The following ACACA variants were observed in gnomAD, a reference collection of about 807,000 sequenced individuals.
ACACA encodes the protein acetyl-CoA carboxylase 1.
A neutral mutation model predicts 296.1 loss-of-function variants in ACACA; 103 were observed. The observed-to-expected ratio is 0.35, with a 90% CI of 0.30 to 0.41. ACACA has a LOEUF of 0.41. ACACA is among the 10% of genes least tolerant of loss of function. The pLI is 1.00. For synonymous variants in ACACA, 953 were observed against 1,038.6 expected (o/e 0.92, Z 1.58); for missense variants, 1,554 against 2,989.7 (o/e 0.52, Z 11.20).
At chr17:37,279,661 A>AC (rs1317780507) in intron 5 of ACACA, among the ~76,000 whole-genome samples, 1 of 150,014 alleles carries the variant, frequency 6.7e-6, no homozygotes, top group Non-Finnish European at 1.5e-5. Context: ...AAAAAAAAAA[A>AC]TTAGCTGGGC....
chr17:37,236,953 A>C (rs2080140924), intron 24 of ACACA, among the ~76,000 whole-genome samples: 1 of 152,228 alleles, frequency 6.6e-6, no homozygotes, highest in East Asian at 1.9e-4. Context: ...TTTTAAAGCC[A>C]TTACATTTTA....
At chr17:37,164,409 G>C (rs1246330877) in intron 41 of ACACA, among the ~76,000 whole-genome samples, 1 of 151,962 alleles carries the variant, frequency 6.6e-6, no homozygotes, top group Non-Finnish European at 1.5e-5. Flanking sequence ...TCAGCATTAG[G>C]AAATATATAT....
chr17:37,146,898 G>A lies in ACACA; in HGVS notation c.5679+2966C>T, dbSNP rs377726431. 1.8e-4 allele frequency among the ~76,000 whole-genome samples: 27 copies of A among 146,840 alleles called. No individual in the cohort carries two copies. The South Asian group carries it at 3.8e-3, about 21-fold the overall frequency. ...TTTTAAAATTCATTGGGCATCAGGC[G>A]ATCATGCACAATCCATCTGCTTTCA... is the stretch of plus-strand genomic sequence containing the variant. On this transcript the variant is annotated intron_variant, in intron 45 of 55. Transcript: ENST00000616317.
chr17:37,178,428 T>C (rs1051704231), intron 41 of ACACA, among the ~76,000 whole-genome samples: 4 of 152,180 alleles, frequency 2.6e-5, no homozygotes, highest in African/African-American at 9.7e-5. Context: ...GAATTGAGCA[T>C]GGAGAAGACA....
chr17:37,192,125 G>A lies in ACACA; in HGVS notation c.4381C>T (p.Arg1461Cys), dbSNP rs769240769. 9.3e-6 allele frequency: 15 copies of A among 1,613,856 alleles called. No individual in the cohort carries two copies. The highest frequency in any genetic ancestry group is 1.6e-4 in the Middle Eastern group (1 of 6,082). ...AGATCAGAATGCCTGATGATTGCAC[G>A]AACAAAGAACCTGTAGTCTGTCACT... The part of the protein sequence containing the change: ...TEVTDYRFFV[R>C]AIIRHSDLVT... The change falls in exon 37 of 56, where the codon CGT (arginine) becomes TGT (cysteine). Residue 1461 changes from arginine (R) to cysteine (C), a missense_variant. By Grantham distance (180) the Arg-to-Cys change is radical. Coordinates refer to ENST00000616317, the MANE Select transcript of ACACA (RefSeq NM_198834.3).
chr17:37,200,326 G>T, intron 34 of ACACA, 101 bp downstream of exon 34: 1 of 1,375,698 alleles, frequency 7.3e-7, no homozygotes, highest in Non-Finnish European at 1.0e-6. Flanking sequence ...TTATTTCTCT[G>T]CATAAATCCT....
rs1001635794 is a variant in ACACA at position 37,183,963 on chromosome 17, CT to C, written c.4777-2608del. Among the ~76,000 whole-genome samples, 27 of 150,652 alleles carry C rather than the reference CT, an allele frequency of 1.8e-4. 1 individual carries two copies. The highest frequency in any genetic ancestry group is 1.7e-3 in the Admixed American group (26 of 15,140). On this transcript the variant is annotated intron_variant, in intron 39 of 55. Coordinates refer to ENST00000616317, the MANE Select transcript of ACACA (RefSeq NM_198834.3). The stretch of plus-strand genomic sequence containing the variant: ...TGCCTCCTGGGTTCAAGTAATTCTC[CT>C]GTCTCAGCCTCCCGAGTAGCTGGGA...
chr17:37,290,349 T>C (rs1030783907), intron 3 of ACACA, among the ~76,000 whole-genome samples: 1 of 152,100 alleles, frequency 6.6e-6, no homozygotes, highest in African/African-American at 2.4e-5. Context: ...ATACCTAGCC[T>C]GCTCAAACAT....
At chr17:37,109,054 C>A (rs1204339403) in intron 52 of ACACA, among the ~76,000 whole-genome samples, 1 of 152,084 alleles carries the variant, frequency 6.6e-6, no homozygotes, top group Non-Finnish European at 1.5e-5. Flanking sequence ...AAAATGAGAC[C>A]ATTTTCACCC....
intron 1 of ACACA, among the ~76,000 whole-genome samples, chr17:37,371,133 G>A (rs1402089729): frequency 2.0e-5 from 3 of 152,056 alleles, no homozygotes; most frequent in African/African-American, 7.2e-5. Context: ...AGGCTGGAGT[G>A]CAATGTCACG....
At chr17:37,151,233 T>C (rs2144138070) in intron 44 of ACACA, 68 bp downstream of exon 44, 3 of 1,591,064 alleles carry the variant, frequency 1.9e-6, no homozygotes, top group African/African-American at 1.3e-5. Context: ...ATAGCAGTGA[T>C]AAGAGAAAAA....
chr17:37,303,813 G>A (rs1459903266), intron 3 of ACACA, among the ~76,000 whole-genome samples: 4 of 152,300 alleles, frequency 2.6e-5, no homozygotes, highest in South Asian at 2.1e-4. Flanking sequence ...AGCCAAGATC[G>A]CGCCATTGCA....
intron 1 of ACACA, among the ~76,000 whole-genome samples, chr17:37,396,294 G>A (rs2051078336): frequency 6.6e-6 from 1 of 150,922 alleles, no homozygotes; most frequent in African/African-American, 2.4e-5. Flanking sequence ...GAGCTGAGAT[G>A]GTGACACTGC....
chr17:37,228,934 G>A (rs1227619382), intron 25 of ACACA, among the ~76,000 whole-genome samples: 3 of 152,114 alleles, frequency 2.0e-5, no homozygotes, highest in Non-Finnish European at 2.9e-5. Flanking sequence ...ACGAGGTCAG[G>A]AGATCGAGAC....
At chr17:37,242,807 G>A (rs548447815) in intron 22 of ACACA, among the ~76,000 whole-genome samples, 143 of 152,308 alleles carry the variant, frequency 9.4e-4, no homozygotes, top group Non-Finnish European at 1.8e-3. Context: ...GGGAGGCCGA[G>A]GTGGGCGGAT....
At chr17:37,244,045 T>C (rs2080560592) in intron 21 of ACACA, among the ~76,000 whole-genome samples, 1 of 152,056 alleles carries the variant, frequency 6.6e-6, no homozygotes, top group Non-Finnish European at 1.5e-5. Flanking sequence ...GCATCTAACA[T>C]TGCCCCTATT....
At chr17:37,161,742 A>G in intron 42 of ACACA, 39 bp downstream of exon 42, 1 of 1,602,562 alleles carries the variant, frequency 6.2e-7, no homozygotes, top group Non-Finnish European at 8.5e-7. Context: ...TAGCATAACC[A>G]TATAGCACCT....
At chr17:37,111,754 A>G in intron 51 of ACACA, 111 bp from the exon 52 acceptor site, 1 of 826,118 alleles carries the variant, frequency 1.2e-6, no homozygotes, top group Non-Finnish European at 2.0e-6. Context: ...CTTCATTATC[A>G]TTTTGCCCAC....
chr17:37,246,142 G>GCTT (rs1249078960), intron 19 of ACACA, among the ~76,000 whole-genome samples: 1 of 152,078 alleles, frequency 6.6e-6, no homozygotes, highest in Non-Finnish European at 1.5e-5. Context: ...TACAAGCTTA[G>GCTT]CTTGATTTGG....
Sources: gnomAD v4.1 joint callset for allele counts (sites outside exome capture counted in the v4.1 genomes callset) on GRCh38, gnomAD v4.1.1 for gene constraint, MANE v1.5 for transcripts, NCBI Gene and HGNC (gene_info 2026-07-23, HGNC 2026-07-21) for gene names.